The following SLC24A2 variants were observed in gnomAD, a reference collection of about 807,000 sequenced individuals.
SLC24A2 encodes sodium/potassium/calcium exchanger 2.
SLC24A2 carries 36 observed loss-of-function variants against 62.0 expected under a neutral mutation model. The ratio of observed to expected loss-of-function variants is 0.58; its 90% CI spans 0.44 to 0.77. SLC24A2 has a LOEUF of 0.77. SLC24A2 is among the 30% of genes least tolerant of loss of function. The probability of loss-of-function intolerance (pLI) is 0.00; values close to 1 mark genes in which losing one functional copy is unlikely to be tolerated. For synonymous variants in SLC24A2, 358 were observed against 294.0 expected, an observed-to-expected ratio of 1.22 and a Z score of -2.23; for missense variants, 846 against 817.9, an observed-to-expected ratio of 1.03 and a Z score of -0.42.
intron 2 of SLC24A2, among the ~76,000 whole-genome samples, chr9:19,732,977 G>A (rs1323367464): frequency 6.6e-6 from 1 of 152,138 alleles, no homozygotes; most frequent in Non-Finnish European, 1.5e-5. Flanking sequence ...AATAGCTAGA[G>A]GGAGGTATCC....
At chr9:20,290,215 C>T in the SLC24A2 span, among the ~76,000 whole-genome samples, 2 of 152,308 alleles carry the variant, frequency 1.3e-5, no homozygotes, top group South Asian at 2.1e-4. Context: ...TAAGGCTGAA[C>T]TCTGTCAAAC....
the SLC24A2 span, among the ~76,000 whole-genome samples, chr9:19,898,903 A>C: frequency 1.3e-5 from 2 of 152,162 alleles, no homozygotes; most frequent in Admixed American, 6.5e-5. Flanking sequence ...TAGGTGGCTC[A>C]GAGGAGGCCA....
chr9:19,553,883 C>A (rs1834959171), intron 7 of SLC24A2, among the ~76,000 whole-genome samples: 1 of 152,202 alleles, frequency 6.6e-6, no homozygotes. Flanking sequence ...CAAGAGACTA[C>A]TGCTTGTCTT....
chr9:20,071,184 G>T, the SLC24A2 span, among the ~76,000 whole-genome samples: 2 of 152,120 alleles, frequency 1.3e-5, no homozygotes, highest in African/African-American at 2.4e-5. Context: ...TCAGAACTGT[G>T]GGCCAGTTAA....
the SLC24A2 span, among the ~76,000 whole-genome samples, chr9:20,023,463 A>G: frequency 1.3e-5 from 2 of 152,312 alleles, no homozygotes; most frequent in East Asian, 3.9e-4. Context: ...GCTTTTGGAA[A>G]GTGCACAATC....
At position 19,619,707 on chromosome 9, in the gene SLC24A2, CAA is replaced by C. The variant is rs1564001460; in HGVS notation, c.970-17_970-16del. On this transcript the variant is annotated splice_polypyrimidine_tract_variant and intron_variant, in intron 3 of 10. Coordinates refer to ENST00000341998, the MANE Select transcript of SLC24A2 (RefSeq NM_020344.4). The stretch of plus-strand genomic sequence containing the variant: ...CGCGGCTTAGCCTGAGCAGAGAAAC[CAA>C]AGAGATGGTTAGTCTCAGGAATGAA... The C allele has an allele frequency of 1.3e-6, 2 of 1,585,522 alleles. No individual in the cohort carries two copies. The highest frequency in any genetic ancestry group is 1.7e-6 in the Non-Finnish European group (2 of 1,154,068).
chr9:20,159,054 T>C, the SLC24A2 span, among the ~76,000 whole-genome samples: 1 of 151,518 alleles, frequency 6.6e-6, no homozygotes, highest in Non-Finnish European at 1.5e-5. Context: ...AATAGCAACA[T>C]AAAACAAAAT....
chr9:19,991,111 C>T, the SLC24A2 span, among the ~76,000 whole-genome samples: 1 of 151,578 alleles, frequency 6.6e-6, no homozygotes, highest in South Asian at 2.1e-4. Flanking sequence ...CACAGGATCA[C>T]AAGGTGAAGT....
At chr9:19,778,412 T>A (rs955415032) in intron 2 of SLC24A2, among the ~76,000 whole-genome samples, 11 of 152,062 alleles carry the variant, frequency 7.2e-5, no homozygotes, top group Non-Finnish European at 2.9e-5. Context: ...AACTTCTCTA[T>A]CTGTAAGCTG....
chr9:19,795,279 A>AC, the SLC24A2 span, among the ~76,000 whole-genome samples: 2 of 37,920 alleles, frequency 5.3e-5, no homozygotes, highest in Admixed American at 2.9e-4. Context: ...CACCACCCCC[A>AC]CCCCCGGCCC....
rs933204471 is a variant in SLC24A2 at position 19,632,010 on chromosome 9, C to G, written c.931-9711G>C. ...AGTGGAGAACATGGCAGTAAGAAAC[C>G]GTTCCACTGGGTGTTGACCATGATA... On this transcript the variant is annotated intron_variant, in intron 2 of 10. Transcript: ENST00000341998. The surrounding 1 kb of genome is among the most constrained non-coding windows in gnomAD (Gnocchi z 4.5). 6.6e-6 allele frequency among the ~76,000 whole-genome samples: 1 copy of G among 152,090 alleles called. No individual in the cohort carries two copies. The highest frequency in any genetic ancestry group is 2.4e-5 in the African/African-American group (1 of 41,412).
At chr9:20,225,347 T>C in the SLC24A2 span, among the ~76,000 whole-genome samples, 1 of 151,016 alleles carries the variant, frequency 6.6e-6, no homozygotes, top group Non-Finnish European at 1.5e-5. Flanking sequence ...GGAGCATGGA[T>C]AAATGGGTAT....
Position 19,786,153 on chromosome 9 carries a change from G to C in SLC24A2, c.714C>G (p.Leu238=), listed in dbSNP as rs7876014. The C allele has an allele frequency of 6.2e-7, 1 of 1,614,160 alleles. No homozygotes were observed. Among genetic ancestry groups the C allele is most frequent in the South Asian group, 1.1e-5 (1 of 91,078 alleles). Reference sequence around the variant, plus strand: ...CAATGTAGAAAGACACATCTCGAAAGAGCGGCCACCATGTCAGGTTTAAGA... The same window carrying C: ...CAATGTAGAAAGACACATCTCGAAACAGCGGCCACCATGTCAGGTTTAAGA... The part of the protein sequence containing the change: ...REILNLTWWP[L]FRDVSFYIVD... Residue 238 remains leucine, a synonymous_variant, in exon 2 of 11, where the codon CTC becomes CTG. Coordinates refer to ENST00000341998, the MANE Select transcript of SLC24A2 (RefSeq NM_020344.4). This position sits in a 1 kb window ranked among gnomAD's most constrained non-coding sequence, Gnocchi z 5.0.
chr9:20,010,143 C>G, the SLC24A2 span, among the ~76,000 whole-genome samples: 1 of 152,164 alleles, frequency 6.6e-6, no homozygotes, highest in African/African-American at 2.4e-5. Context: ...CCTCAGAACA[C>G]AAGAAGCAAC....
the SLC24A2 span, among the ~76,000 whole-genome samples, chr9:19,886,562 G>T: frequency 6.6e-6 from 1 of 152,226 alleles, no homozygotes; most frequent in Non-Finnish European, 1.5e-5. Flanking sequence ...AACAACAGAT[G>T]CTGGTAAGGT....
the SLC24A2 span, among the ~76,000 whole-genome samples, chr9:20,268,427 T>G: frequency 3.3e-5 from 5 of 152,120 alleles, no homozygotes; most frequent in Non-Finnish European, 7.4e-5. Context: ...ATGGACTAAT[T>G]TACTTATGGA....
the SLC24A2 span, among the ~76,000 whole-genome samples, chr9:19,885,590 G>C: frequency 6.6e-6 from 1 of 152,096 alleles, no homozygotes; most frequent in Admixed American, 6.5e-5. Flanking sequence ...TTATGATTGA[G>C]GATAATTTTT....
the SLC24A2 span, among the ~76,000 whole-genome samples, chr9:20,203,968 G>A: frequency 6.8e-6 from 1 of 147,732 alleles, no homozygotes; most frequent in Non-Finnish European, 1.5e-5. Flanking sequence ...ACTGTTTTCA[G>A]AAACAGAGTC....
At chr9:19,862,247 A>G in the SLC24A2 span, among the ~76,000 whole-genome samples, 2 of 152,208 alleles carry the variant, frequency 1.3e-5, no homozygotes, top group Admixed American at 1.3e-4. Flanking sequence ...CTGGCAGCAG[A>G]CTATTCAGTG....
Sources: allele counts gnomAD v4.1 joint callset (sites outside exome capture counted in the v4.1 genomes callset), GRCh38; gene constraint gnomAD v4.1.1; non-coding constraint Gnocchi (gnomAD v3.1); transcripts MANE v1.5; gene names NCBI Gene and HGNC (gene_info 2026-07-23, HGNC 2026-07-21).